The following GRK3 variants were observed in gnomAD, a reference collection of about 807,000 sequenced individuals.
GRK3 encodes the protein G protein-coupled receptor kinase 3.
Under a neutral mutation model 95.7 loss-of-function variants are expected in GRK3, and 54 were observed. The observed-to-expected ratio is 0.56, with a 90% confidence interval of 0.45 to 0.71. GRK3 has a LOEUF of 0.71. Among genes scored for constraint, GRK3 ranks in the 30% least tolerant of loss-of-function variants. The probability of loss-of-function intolerance (pLI) is 0.00; values close to 1 mark genes in which losing one functional copy is unlikely to be tolerated. For synonymous variants in GRK3, 281 were observed against 290.8 expected (o/e 0.97, Z 0.34); for missense variants, 649 against 851.2 (o/e 0.76, Z 2.96).
At chr22:25,582,053 G>A (rs1932117913) in intron 1 of GRK3, among the ~76,000 whole-genome samples, 1 of 152,180 alleles carries the variant, frequency 6.6e-6, no homozygotes, top group South Asian at 2.1e-4. Context: ...GAGGCGGGTG[G>A]ATCACCTGAG....
chr22:25,614,557 C>T lies in GRK3; in HGVS notation c.190+10104C>T, dbSNP rs562366222. ...TTAAGACAGTGATGCTACCTGTGTA[C>T]TAGACACTTCAGTGAGTATTTTATG... On this transcript the variant is annotated intron_variant, in intron 2 of 20. Transcript: ENST00000324198. Among the ~76,000 whole-genome samples the T allele has an allele frequency of 4.6e-5, 7 of 152,300 alleles. No homozygotes were observed. In the South Asian group the frequency reaches 1.5e-3, roughly 32 times the overall value.
intron 2 of GRK3, among the ~76,000 whole-genome samples, chr22:25,643,170 G>A (rs1469695063): frequency 6.6e-6 from 1 of 152,230 alleles, no homozygotes; most frequent in Non-Finnish European, 1.5e-5. Flanking sequence ...AGATAGAGAT[G>A]TGTATCCTTC....
chr22:25,609,192 T>C (rs2084475992), intron 2 of GRK3, among the ~76,000 whole-genome samples: 1 of 152,210 alleles, frequency 6.6e-6, no homozygotes, highest in East Asian at 1.9e-4. Context: ...TACATTGAAA[T>C]TGTAATTTCA....
chr22:25,569,987 G>A (rs1053842324), intron 1 of GRK3, among the ~76,000 whole-genome samples: 6 of 152,284 alleles, frequency 3.9e-5, no homozygotes, highest in East Asian at 1.9e-4. Context: ...GTCTTTCCCC[G>A]CCCAGGCAGG....
chr22:25,643,815 A>G (rs900361720), intron 2 of GRK3, among the ~76,000 whole-genome samples: 2 of 152,258 alleles, frequency 1.3e-5, no homozygotes, highest in African/African-American at 2.4e-5. Context: ...ACATTCATTC[A>G]GTGAACATTT....
intron 2 of GRK3, among the ~76,000 whole-genome samples, chr22:25,607,877 G>T (rs948139536): frequency 6.6e-6 from 1 of 151,942 alleles, no homozygotes; most frequent in Non-Finnish European, 1.5e-5. Flanking sequence ...CACCATGCCC[G>T]GCCTTTAATG....
At chr22:25,658,920 T>C (rs1175119668) in intron 3 of GRK3, among the ~76,000 whole-genome samples, 1 of 152,120 alleles carries the variant, frequency 6.6e-6, no homozygotes, top group African/African-American at 2.4e-5. Flanking sequence ...GGGTTTCATT[T>C]AGATGTGTTA....
intron 2 of GRK3, among the ~76,000 whole-genome samples, chr22:25,629,449 A>G (rs2084649570): frequency 6.6e-6 from 1 of 152,242 alleles, no homozygotes; most frequent in South Asian, 2.1e-4. Flanking sequence ...CATCACCCCA[A>G]AGGCAACTAC....
At position 25,722,702 on chromosome 22, in the gene GRK3, G is replaced by A; in HGVS notation, c.*252G>A. On this transcript the variant is annotated 3_prime_UTR_variant, in exon 21 of 21. Coordinates refer to ENST00000324198, the MANE Select transcript of GRK3 (RefSeq NM_005160.4). The stretch of plus-strand genomic sequence containing the variant: ...GGTACCTATGAACCTAGAACTTGAA[G>A]TGACTCCTACTTATCACGTAAATTT... The A allele has an allele frequency of 2.6e-6, 1 of 382,180 alleles. No individual in the cohort carries two copies. Among genetic ancestry groups the A allele is most frequent in the Non-Finnish European group, 4.7e-6 (1 of 211,838 alleles). 23.7% of individuals were successfully genotyped at this position (382,180 alleles called of 1,614,324 possible). A position where few individuals can be genotyped will look rare whatever the true frequency, so the allele number is the denominator to read the frequency against.
chr22:25,690,151 G>T (rs2146437843), intron 11 of GRK3, 38 bp from the exon 12 acceptor site: 1 of 1,512,658 alleles, frequency 6.6e-7, no homozygotes, highest in African/African-American at 1.4e-5. Context: ...CATGGCATTT[G>T]GGGCACTCTT....
chr22:25,659,509 T>G (rs1336864078), intron 3 of GRK3, among the ~76,000 whole-genome samples: 1 of 152,188 alleles, frequency 6.6e-6, no homozygotes, highest in Admixed American at 6.5e-5. Flanking sequence ...TCTGTGAATA[T>G]TTATTATTGA....
intron 3 of GRK3, among the ~76,000 whole-genome samples, chr22:25,661,280 G>A (rs922738904): frequency 4.6e-5 from 7 of 152,138 alleles, no homozygotes; most frequent in African/African-American, 4.8e-5. Flanking sequence ...TCTATGGCTC[G>A]TGTATTGTAA....
At chr22:25,612,616 A>G (rs2084507320) in intron 2 of GRK3, among the ~76,000 whole-genome samples, 1 of 151,870 alleles carries the variant, frequency 6.6e-6, no homozygotes. Flanking sequence ...GGTGTCTTTT[A>G]TTTCCTTTCA....
Position 25,694,670 on chromosome 22 carries a change from G to A in GRK3, c.1053-437G>A, listed in dbSNP as rs150776442. ...GCTCAGGTCCTCAGCACAATTGGTG[G>A]CACCACACAGGGGTGGACGTCTCCA... On this transcript the variant is annotated intron_variant, in intron 12 of 20. Transcript: ENST00000324198. Among the ~76,000 whole-genome samples the A allele has an allele frequency of 4.2e-3, 639 of 152,206 alleles. 11 individuals are homozygous for A. Among genetic ancestry groups the A allele is most frequent in the Middle Eastern group, 0.031 (9 of 294 alleles).
chr22:25,658,402 G>A (rs1419132776), intron 3 of GRK3, among the ~76,000 whole-genome samples: 1 of 152,232 alleles, frequency 6.6e-6, no homozygotes, highest in Non-Finnish European at 1.5e-5. Flanking sequence ...AGTGGTGGAA[G>A]ATGAATCTTG....
intron 7 of GRK3, among the ~76,000 whole-genome samples, chr22:25,673,760 C>T (rs7292634): frequency 0.084 from 12,732 of 152,066 alleles, 613 homozygotes; most frequent in Middle Eastern, 0.15. Flanking sequence ...CTTTGTGCCA[C>T]TTAACATTAT....
chr22:25,718,272 T>C lies in GRK3; in HGVS notation c.1682T>C (p.Met561Thr). 8 of 1,614,220 alleles carry C rather than the reference T, an allele frequency of 5.0e-6. No homozygotes were observed. Among genetic ancestry groups the C allele is most frequent in the Non-Finnish European group, 6.8e-6 (8 of 1,180,026 alleles). Residue 561 changes from methionine to threonine, a missense_variant, in exon 19 of 21, where the codon ATG becomes ACG. By Grantham distance (81) the Met-to-Thr change is moderately conservative. Around this residue, in one of 3 missense-constraint regions of GRK3, gnomAD observed 382 missense variants for 493.8 expected, o/e 0.77. Coordinates refer to ENST00000324198, the MANE Select transcript of GRK3 (RefSeq NM_005160.4). ...EDYALGKDCI[M>T]HGYMLKLGNP... ...TACGCTCTGGGGAAGGACTGTATTATGCACGGGTACATGCTGAAACTGGGA... is the reference window on the plus strand; with the variant it reads ...TACGCTCTGGGGAAGGACTGTATTACGCACGGGTACATGCTGAAACTGGGA...
intron 1 of GRK3, among the ~76,000 whole-genome samples, chr22:25,585,367 G>A (rs1440131307): frequency 6.6e-6 from 1 of 152,214 alleles, no homozygotes; most frequent in Non-Finnish European, 1.5e-5. Flanking sequence ...AGGTGGGAAG[G>A]TTTCTGTTAC....
intron 2 of GRK3, among the ~76,000 whole-genome samples, chr22:25,633,692 A>AAACG (rs142737225): frequency 0.022 from 3,405 of 152,286 alleles, 61 homozygotes; most frequent in Middle Eastern, 0.068. Context: ...TCTCAAGCAA[A>AAACG]TTATAATATA....
Sources: gnomAD v4.1 joint callset for allele counts (sites outside exome capture counted in the v4.1 genomes callset) on GRCh38, gnomAD v4.1.1 for gene constraint, gnomAD v4.1.1 regional missense constraint, MANE v1.5 for transcripts, NCBI Gene and HGNC (gene_info 2026-07-23, HGNC 2026-07-21) for gene names.